MYOCOS: variants seen among roughly 807,000 people sequenced by gnomAD.
MYOCOS encodes the protein myocilin opposite strand, also known as myocilin opposite strand protein.
chr1:171,614,380 G>A (rs1253071156), intron 1 of MYOCOS, among the ~76,000 whole-genome samples: 1 of 152,156 alleles, frequency 6.6e-6, no homozygotes, highest in Non-Finnish European at 1.5e-5. Context: ...AGTAGGTTTG[G>A]GCAGAGGGAT....
exon 1 of MYOCOS, chr1:171,601,072 CG>C (rs1237187461): frequency 6.6e-6 from 1 of 152,436 alleles, no homozygotes; most frequent in African/African-American, 2.4e-5. Context: ...ATCCGAAGAG[CG>C]ATCCCAGGTA....
intron 1 of MYOCOS, among the ~76,000 whole-genome samples, chr1:171,614,436 A>G (rs947706863): frequency 1.3e-5 from 2 of 152,210 alleles, no homozygotes; most frequent in African/African-American, 4.8e-5. Flanking sequence ...AGCTGACCCT[A>G]CTGGCACCTC....
At chr1:171,606,468 G>GC (rs1455030880) in intron 1 of MYOCOS, among the ~76,000 whole-genome samples, 1 of 124 alleles carries the variant, frequency 8.1e-3, no homozygotes, top group African/African-American at 0.045. Flanking sequence ...CAGGCCCCAG[G>GC]CCTGGCCTGC....
chr1:171,625,135 T>C (rs1237884709), intron 2 of MYOCOS, among the ~76,000 whole-genome samples: 1 of 152,172 alleles, frequency 6.6e-6, no homozygotes, highest in African/African-American at 2.4e-5. Context: ...GTCAAATCTT[T>C]GTTGATAGTG....
intron 1 of MYOCOS, among the ~76,000 whole-genome samples, chr1:171,611,113 T>C (rs1453165759): frequency 6.6e-6 from 1 of 152,216 alleles, no homozygotes; most frequent in Non-Finnish European, 1.5e-5. Flanking sequence ...GCTGCTATCA[T>C]TTAGGGCCAC....
intron 1 of MYOCOS, among the ~76,000 whole-genome samples, chr1:171,606,717 A>G (rs1283495529): frequency 1.3e-5 from 2 of 152,330 alleles, no homozygotes; most frequent in East Asian, 3.9e-4. Context: ...TGTGCACTCG[A>G]GGAGCTCAGA....
intron 1 of MYOCOS, among the ~76,000 whole-genome samples, chr1:171,601,988 T>C (rs1652150942): frequency 6.6e-6 from 1 of 151,976 alleles, no homozygotes; most frequent in African/African-American, 2.4e-5. Flanking sequence ...TATGGTAACT[T>C]CTAATCTTGT....
intron 2 of MYOCOS, among the ~76,000 whole-genome samples, chr1:171,616,052 A>T (rs1417518651): frequency 1.3e-5 from 2 of 150,190 alleles, no homozygotes; most frequent in Non-Finnish European, 3.0e-5. Context: ...ACCTGTCTCT[A>T]CTAAAAATAC....
upstream of MYOCOS, among the ~76,000 whole-genome samples, chr1:171,621,256 T>C (rs944309783): frequency 2.6e-5 from 4 of 152,270 alleles, no homozygotes; most frequent in East Asian, 7.7e-4. Flanking sequence ...ACTGTTTTCG[T>C]TGACAAAGGG....
upstream of MYOCOS, among the ~76,000 whole-genome samples, chr1:171,620,777 T>C (rs930262719): frequency 4.5e-4 from 66 of 147,690 alleles, 2 homozygotes; most frequent in African/African-American, 1.2e-3. Context: ...TTCTTTCTTT[T>C]TTTTTTTTTT....
intron 1 of MYOCOS, among the ~76,000 whole-genome samples, chr1:171,606,532 C>T (rs1241410153): frequency 2.0e-5 from 3 of 152,144 alleles, no homozygotes; most frequent in African/African-American, 7.2e-5. Context: ...TCCGATGTTA[C>T]CCACAGATTT....
At chr1:171,616,125 G>C (rs12094736) in intron 2 of MYOCOS, among the ~76,000 whole-genome samples, 35,532 of 152,080 alleles carry the variant, frequency 0.23, 4,196 homozygotes, top group South Asian at 0.35. Context: ...GCTGAAGCAG[G>C]AGAATCGCTT....
At chr1:171,625,495 C>G (rs11578704) in intron 2 of MYOCOS, among the ~76,000 whole-genome samples, 7 of 152,170 alleles carry the variant, frequency 4.6e-5, no homozygotes, top group African/African-American at 1.7e-4. Context: ...TGGTTAGTTT[C>G]TAGGTAATTT....
In MYOCOS at chr1:171,616,774, C is replaced by T. The variant is rs925085611; in HGVS notation, c.-44+1769C>T. On this transcript the variant is annotated intron_variant, in intron 2 of 3. Coordinates refer to the MYOCOS transcript ENST00000636697. ...ATCCTATAGATGGCATTGTAAGGAA[C>T]ATGGCTGTGCTTTGGTCAAGGATAG... Among the ~76,000 whole-genome samples the T allele has an allele frequency of 5.3e-5, 8 of 152,258 alleles. No homozygotes were observed. The East Asian group carries it at 1.3e-3, about 26-fold the overall frequency.
At chr1:171,624,732 C>T (rs777106977) in intron 2 of MYOCOS, among the ~76,000 whole-genome samples, 15 of 152,018 alleles carry the variant, frequency 9.9e-5, no homozygotes, top group East Asian at 1.9e-4. Context: ...CAGGCGTGAG[C>T]GACTGTGCCC....
chr1:171,607,822 C>CTAA (rs1652279301), intron 1 of MYOCOS, among the ~76,000 whole-genome samples: 1 of 152,198 alleles, frequency 6.6e-6, no homozygotes, highest in South Asian at 2.1e-4. Flanking sequence ...ACAGTGCAGT[C>CTAA]TGTGTTCACA....
At chr1:171,621,275 G>A (rs1238258679), upstream of MYOCOS, among the ~76,000 whole-genome samples, 19 of 151,082 alleles carry the variant, frequency 1.3e-4, no homozygotes, top group Admixed American at 1.3e-3. Flanking sequence ...GGAAATAGCT[G>A]TATTTATCTA....
intron 1 of MYOCOS, among the ~76,000 whole-genome samples, chr1:171,605,394 CAA>C (rs1553253256): frequency 4.7e-5 from 6 of 127,546 alleles, no homozygotes; most frequent in African/African-American, 1.1e-4. Context: ...CACACACACA[CAA>C]AAAAAAAAAA....
chr1:171,621,815 GAC>G (rs573935767), upstream of MYOCOS, among the ~76,000 whole-genome samples: 570 of 152,188 alleles, frequency 3.7e-3, 1 homozygote, highest in African/African-American at 0.013. Context: ...CAGCCTGGGT[GAC>G]AGAGTGAGAC....
Sources: gnomAD v4.1 joint callset for allele counts (sites outside exome capture counted in the v4.1 genomes callset) on GRCh38, gnomAD v4.1.1 for gene constraint, MANE v1.5 for transcripts, NCBI Gene and HGNC (gene_info 2026-07-23, HGNC 2026-07-21) for gene names.